The following CDK14 variants were observed in gnomAD, a reference collection of about 807,000 sequenced individuals.
CDK14 encodes cyclin dependent kinase 14, also known as cyclin-dependent kinase 14.
Under a neutral mutation model 60.7 loss-of-function variants are expected in CDK14, and 34 were observed. The ratio of observed to expected loss-of-function variants is 0.56; its 90% CI spans 0.43 to 0.75. The LOEUF is 0.75. Among genes scored for constraint, CDK14 ranks in the 30% least tolerant of loss-of-function variants. The probability of loss-of-function intolerance (pLI) is 0.00; values close to 1 mark genes in which losing one functional copy is unlikely to be tolerated. For missense variants in CDK14, 482 were observed against 564.1 expected (o/e 0.85, Z 1.47); for synonymous variants, 197 against 203.7 (o/e 0.97, Z 0.28).
intron 14 of CDK14, among the ~76,000 whole-genome samples, chr7:91,139,006 G>C (rs902548108): frequency 1.3e-5 from 2 of 152,100 alleles, no homozygotes; most frequent in Non-Finnish European, 2.9e-5. Flanking sequence ...GACATCATTC[G>C]AGGTCAGTGT....
At chr7:90,917,866 C>T (rs981076702) in intron 8 of CDK14, 142 bp downstream of exon 8, 92 of 739,494 alleles carry the variant, frequency 1.2e-4, no homozygotes, top group Non-Finnish European at 1.5e-4. Context: ...AGGATTTTTT[C>T]TTTTTTTTAA....
At chr7:90,662,481 C>T (rs1800883576) in intron 2 of CDK14, among the ~76,000 whole-genome samples, 1 of 152,202 alleles carries the variant, frequency 6.6e-6, no homozygotes, top group Admixed American at 6.5e-5. Flanking sequence ...GGGTGATTTT[C>T]ATTTGAATAC....
At chr7:91,161,949 A>G (rs939477313) in intron 14 of CDK14, among the ~76,000 whole-genome samples, 1 of 152,214 alleles carries the variant, frequency 6.6e-6, no homozygotes, top group Non-Finnish European at 1.5e-5. Flanking sequence ...TTAATATAAC[A>G]CTGAAGTAAT....
intron 10 of CDK14, among the ~76,000 whole-genome samples, chr7:91,031,998 C>G (rs1176706099): frequency 6.6e-6 from 1 of 152,164 alleles, no homozygotes; most frequent in Non-Finnish European, 1.5e-5. Flanking sequence ...CTTTGTGAGT[C>G]AATCGAGATG....
At position 91,096,378 on chromosome 7, in the gene CDK14, C is replaced by A. The variant is rs189322125; in HGVS notation, c.1155-16164C>A. The stretch of plus-strand genomic sequence containing the variant: ...GGCTCACATGGTGAGGAACTAAGAC[C>A]TTTTTTGCCAACAGCCATGTGAACG... On this transcript the variant is annotated intron_variant, in intron 12 of 14. Transcript: ENST00000380050. 9.9e-5 allele frequency among the ~76,000 whole-genome samples: 15 copies of A among 152,154 alleles called. No individual in the cohort carries two copies. In the South Asian group the frequency reaches 1.9e-3, roughly 19 times the overall value.
chr7:91,057,383 T>C (rs576557620), intron 11 of CDK14, among the ~76,000 whole-genome samples: 1 of 152,118 alleles, frequency 6.6e-6, no homozygotes, highest in Non-Finnish European at 1.5e-5. Context: ...GGAGTTTCTT[T>C]TGCTGTGCAG....
intron 11 of CDK14, among the ~76,000 whole-genome samples, chr7:91,071,819 C>T (rs1488633345): frequency 6.6e-6 from 1 of 152,240 alleles, no homozygotes; most frequent in African/African-American, 2.4e-5. Flanking sequence ...CCATGCTCTT[C>T]CCCTGCTGAA....
chr7:91,051,571 T>G (rs1051428089), intron 11 of CDK14, among the ~76,000 whole-genome samples: 2 of 152,210 alleles, frequency 1.3e-5, no homozygotes, highest in Non-Finnish European at 2.9e-5. Context: ...TGGGAAAGTC[T>G]TGAGGTGAGA....
chr7:90,827,624 A>G (rs1017983987), intron 5 of CDK14, among the ~76,000 whole-genome samples: 1 of 152,222 alleles, frequency 6.6e-6, no homozygotes, highest in Non-Finnish European at 1.5e-5. Flanking sequence ...GTCTTCTGCC[A>G]GTGGGTAAAT....
At chr7:91,183,558 G>C (rs757624798) in intron 14 of CDK14, among the ~76,000 whole-genome samples, 7 of 152,034 alleles carry the variant, frequency 4.6e-5, no homozygotes, top group African/African-American at 1.7e-4. Flanking sequence ...GTTTCTCCAG[G>C]CTCAACCAGT....
chr7:90,902,976 T>C (rs1029001307), intron 7 of CDK14, among the ~76,000 whole-genome samples: 1 of 152,052 alleles, frequency 6.6e-6, no homozygotes, highest in Non-Finnish European at 1.5e-5. Flanking sequence ...GGTGCATAGG[T>C]AGTAAAACAT....
intron 5 of CDK14, among the ~76,000 whole-genome samples, chr7:90,840,856 G>A (rs1449138763): frequency 3.3e-5 from 5 of 152,138 alleles, no homozygotes; most frequent in African/African-American, 1.2e-4. Flanking sequence ...GAGAGGTTTA[G>A]CCAATATTGC....
intron 7 of CDK14, among the ~76,000 whole-genome samples, chr7:90,902,972 T>C (rs1792564965): frequency 6.6e-6 from 1 of 152,018 alleles, no homozygotes; most frequent in Admixed American, 6.6e-5. Flanking sequence ...AAATGGTGCA[T>C]AGGTAGTAAA....
chr7:90,942,000 C>T (rs888432660), intron 8 of CDK14, among the ~76,000 whole-genome samples: 3 of 152,208 alleles, frequency 2.0e-5, no homozygotes, highest in African/African-American at 7.2e-5. Flanking sequence ...CAGCTGATAT[C>T]TGGCTGTTAT....
chr7:90,736,098 C>A (rs1046196209), intron 3 of CDK14, among the ~76,000 whole-genome samples: 1 of 150,862 alleles, frequency 6.6e-6, no homozygotes, highest in Non-Finnish European at 1.5e-5. Context: ...TTACCCCTTG[C>A]GCTTCCTGGG....
chr7:90,636,840 A>G (rs566177769), intron 2 of CDK14, among the ~76,000 whole-genome samples: 4 of 152,032 alleles, frequency 2.6e-5, no homozygotes, highest in African/African-American at 7.2e-5. Flanking sequence ...CAGAGATTCA[A>G]CTTCTTCCTG....
chr7:90,779,106 A>C (rs1411784780), intron 4 of CDK14, among the ~76,000 whole-genome samples: 1 of 152,000 alleles, frequency 6.6e-6, no homozygotes, highest in Non-Finnish European at 1.5e-5. Context: ...ACAAAAAATT[A>C]GCTGGGCGTG....
chr7:90,947,650 A>G (rs560008866), intron 8 of CDK14, among the ~76,000 whole-genome samples: 9 of 152,184 alleles, frequency 5.9e-5, no homozygotes, highest in Non-Finnish European at 1.3e-4. Flanking sequence ...ATTATCTACA[A>G]TAAGACCAGG....
rs902086480 is a variant in CDK14 at position 91,175,236 on chromosome 7, A to C, written c.*29-31929A>C. On this transcript the variant is annotated intron_variant, in intron 14 of 14. Transcript: ENST00000380050. Reference sequence around the variant, plus strand: ...GTCATAAGTGAAGGAGAAATAAAATAGTTTACAGACAAGCAAATGCTGAGA... The same window carrying C: ...GTCATAAGTGAAGGAGAAATAAAATCGTTTACAGACAAGCAAATGCTGAGA... Among the ~76,000 whole-genome samples, 11 of 152,306 alleles carry C rather than the reference A, an allele frequency of 7.2e-5. No individual in the cohort carries two copies. In the East Asian group the frequency reaches 9.7e-4, roughly 13 times the overall value.
Sources: allele counts gnomAD v4.1 joint callset (sites outside exome capture counted in the v4.1 genomes callset), GRCh38; gene constraint gnomAD v4.1.1; transcripts MANE v1.5; gene names NCBI Gene and HGNC (gene_info 2026-07-23, HGNC 2026-07-21).